CDCP1: variants seen among roughly 807,000 people sequenced by gnomAD.
The protein encoded by CDCP1 is CUB domain-containing protein 1.
CDCP1 carries 29 observed loss-of-function variants against 60.2 expected under a neutral mutation model. That is an observed-to-expected ratio of 0.48 (90% CI 0.36 to 0.66). CDCP1 has a LOEUF of 0.66. Among genes scored for constraint, CDCP1 ranks in the 30% least tolerant of loss-of-function variants. CDCP1 has a pLI of 0.00. For synonymous variants in CDCP1, 387 were observed against 431.1 expected (o/e 0.90, Z 1.27); for missense variants, 876 against 1,074.3 (o/e 0.82, Z 2.58).
Position 45,091,422 on chromosome 3 carries a change from T to C in CDCP1, c.1744A>G (p.Arg582Gly), listed in dbSNP as rs1665922036. 6.2e-7 allele frequency: 1 copy of C among 1,613,648 alleles called. No individual in the cohort carries two copies. The highest frequency in any genetic ancestry group is 8.5e-7 in the Non-Finnish European group (1 of 1,179,776). Reference sequence around the variant, plus strand: ...AAAGTCAGGCAGGCCACCTGGTCTCTGGGCACGCTGATGTTCCAGGACACA... The same window carrying C: ...AAAGTCAGGCAGGCCACCTGGTCTCCGGGCACGCTGATGTTCCAGGACACA... Reference protein sequence around the residue: ...TSVSWNISVPRDQVACLTFFK... With the variant: ...TSVSWNISVPGDQVACLTFFK... Residue 582 changes from arginine (R) to glycine (G), a missense_variant, in exon 7 of 9, where the codon AGA (arginine) becomes GGA (glycine). Arg to Gly is a moderately radical substitution (Grantham distance 125, BLOSUM62 -2). Coordinates refer to ENST00000296129, the MANE Select transcript of CDCP1 (RefSeq NM_022842.5). The surrounding 1 kb of genome is among the most constrained non-coding windows in gnomAD (Gnocchi z 4.8).
Position 45,146,199 on chromosome 3 carries a change from C to CA in CDCP1, c.82+6dup, listed in dbSNP as rs2126012593. 13 of 1,587,476 alleles carry CA rather than the reference C, an allele frequency of 8.2e-6. No individual in the cohort carries two copies. The East Asian group carries it at 3.1e-4, about 38-fold the overall frequency. On this transcript the variant is annotated splice_region_variant and intron_variant, in intron 1 of 8. Transcript: ENST00000296129. ...CACGCCATCCGCCTCCAAAGCCCGG[C>CA]ACTCACCTGCCCCGCGCGGCAGGCG... is the stretch of plus-strand genomic sequence containing the variant.
chr3:45,110,240 T>G, intron 4 of CDCP1: 1 of 1,382,404 alleles, frequency 7.2e-7, no homozygotes, highest in Non-Finnish European at 9.3e-7. Context: ...TTTAGCATCT[T>G]GAATGCAAGA....
intron 4 of CDCP1, among the ~76,000 whole-genome samples, chr3:45,100,886 T>A (rs1698475924): frequency 6.6e-6 from 1 of 152,238 alleles, no homozygotes; most frequent in Admixed American, 6.5e-5. Flanking sequence ...TTCATCCTCA[T>A]GATATCCTTG....
At chr3:45,138,774 AG>A (rs1237006895) in intron 1 of CDCP1, among the ~76,000 whole-genome samples, 2 of 152,166 alleles carry the variant, frequency 1.3e-5, no homozygotes, top group Non-Finnish European at 2.9e-5. Context: ...GCTTCCCAGG[AG>A]GTGGAGGTTG....
intron 8 of CDCP1, among the ~76,000 whole-genome samples, chr3:45,088,143 G>T (rs948458005): frequency 1.3e-5 from 2 of 152,130 alleles, no homozygotes; most frequent in African/African-American, 2.4e-5. Flanking sequence ...ACAGTTTGGC[G>T]GCAGCACGGA....
chr3:45,126,410 G>T (rs564544403), intron 1 of CDCP1, among the ~76,000 whole-genome samples: 1 of 152,104 alleles, frequency 6.6e-6, no homozygotes, highest in South Asian at 2.1e-4. Context: ...AGGGGTGGGG[G>T]TGCCAGATAG....
At position 45,082,394 on chromosome 3, in the gene CDCP1, T is replaced by A. The variant is rs931042759; in HGVS notation, c.*3244A>T. 2.0e-5 allele frequency: 3 copies of A among 152,170 alleles called. No homozygotes were observed. Among genetic ancestry groups the A allele is most frequent in the African/African-American group, 7.2e-5 (3 of 41,444 alleles). The allele number at this position is 152,170 out of a possible 1,614,324, so 9.4% of individuals were successfully genotyped here. A position where few individuals can be genotyped will look rare whatever the true frequency, so the allele number is the denominator to read the frequency against. On this transcript the variant is annotated 3_prime_UTR_variant, in exon 9 of 9. Coordinates refer to ENST00000296129, the MANE Select transcript of CDCP1 (RefSeq NM_022842.5). Reference sequence around the variant, plus strand: ...TCCCAAAGCCTGGCTTTCTGTATCATCCACAAATTAAGACAGCATCTGCTG... The same window carrying A: ...TCCCAAAGCCTGGCTTTCTGTATCAACCACAAATTAAGACAGCATCTGCTG...
At chr3:45,144,322 A>G (rs1699344698) in intron 1 of CDCP1, among the ~76,000 whole-genome samples, 1 of 152,168 alleles carries the variant, frequency 6.6e-6, no homozygotes, top group Non-Finnish European at 1.5e-5. Flanking sequence ...GTCTCCAGGA[A>G]TTTCTCAAAG....
chr3:45,089,035 A>T lies in CDCP1; in HGVS notation c.2081+19T>A. 6.3e-7 allele frequency: 1 copy of T among 1,593,222 alleles called. No homozygotes were observed. Reference sequence around the variant, plus strand: ...AGGAGGCATCAAATCAGATAAAGAGAGTAAGAGATTCCACCTACTTCTTTT... The same window carrying T: ...AGGAGGCATCAAATCAGATAAAGAGTGTAAGAGATTCCACCTACTTCTTTT... On this transcript the variant is annotated intron_variant, in intron 8 of 8. Coordinates refer to ENST00000296129, the MANE Select transcript of CDCP1 (RefSeq NM_022842.5).
At chr3:45,087,944 C>A (rs1275038790) in intron 8 of CDCP1, among the ~76,000 whole-genome samples, 13 of 151,734 alleles carry the variant, frequency 8.6e-5, no homozygotes, top group Non-Finnish European at 4.4e-5. Context: ...ATCGCTTGAA[C>A]CCGGGAGGCG....
At chr3:45,086,149 TTGGATTC>T (rs1057248410) in intron 8 of CDCP1, 82 bp from the exon 9 acceptor site, 20 of 1,258,396 alleles carry the variant, frequency 1.6e-5, no homozygotes, top group African/African-American at 4.4e-5. Flanking sequence ...CTGCTAGAGC[TTGGATTC>T]TTTAGGGTTC....
intron 1 of CDCP1, among the ~76,000 whole-genome samples, chr3:45,125,104 A>G (rs1290870738): frequency 6.6e-6 from 1 of 152,224 alleles, no homozygotes; most frequent in African/African-American, 2.4e-5. Context: ...AATGGATATG[A>G]GTGTGCCAAC....
chr3:45,143,234 A>G (rs1699325258), intron 1 of CDCP1, among the ~76,000 whole-genome samples: 1 of 152,178 alleles, frequency 6.6e-6, no homozygotes. Context: ...GTGCAGAACA[A>G]CACAGCTGAA....
At position 45,083,335 on chromosome 3, in the gene CDCP1, C is replaced by T. The variant is rs1698133942; in HGVS notation, c.*2303G>A. On this transcript the variant is annotated 3_prime_UTR_variant, in exon 9 of 9. Transcript: ENST00000296129. The stretch of plus-strand genomic sequence containing the variant: ...ACGCCAAGGGCATGACTTAAATATC[C>T]TATCCTCTGGAAAGTGTTCAAGAGG... 1 of 152,208 alleles carries T rather than the reference C, an allele frequency of 6.6e-6. No individual in the cohort carries two copies. The highest frequency in any genetic ancestry group is 6.5e-5 in the Admixed American group (1 of 15,276). 9.4% of individuals were successfully genotyped at this position (152,208 alleles called of 1,614,324 possible). A position where few individuals can be genotyped will look rare whatever the true frequency, so the allele number is the denominator to read the frequency against.
intron 4 of CDCP1, among the ~76,000 whole-genome samples, chr3:45,108,759 A>ATACATATATATGCATG (rs1698618526): frequency 5.1e-5 from 4 of 78,602 alleles, no homozygotes; most frequent in Admixed American, 2.6e-4. Flanking sequence ...ATATGCATGT[A>ATACATATATATGCATG]TATATATATA....
At chr3:45,089,205 G>A (rs1698250078) in intron 7 of CDCP1, 64 bp from the exon 8 acceptor site, 2 of 1,342,760 alleles carry the variant, frequency 1.5e-6, no homozygotes, top group African/African-American at 2.9e-5. Flanking sequence ...CAATGAACTT[G>A]AGGCATCTCC....
intron 1 of CDCP1, among the ~76,000 whole-genome samples, chr3:45,126,997 C>T (rs1699011740): frequency 6.6e-6 from 1 of 152,146 alleles, no homozygotes; most frequent in Non-Finnish European, 1.5e-5. Flanking sequence ...TCAGAGCTAG[C>T]CCCGCCCGAA....
rs919202374 is a variant in CDCP1, at chr3:45,084,011, GTCTT to G, written c.*1623_*1626del. The G allele has an allele frequency of 1.8e-4, 28 of 152,134 alleles. No individual in the cohort carries two copies. Among genetic ancestry groups the G allele is most frequent in the African/African-American group, 6.5e-4 (27 of 41,416 alleles). The allele number at this position is 152,134 out of a possible 1,614,324, so 9.4% of individuals were successfully genotyped here. On this transcript the variant is annotated 3_prime_UTR_variant, in exon 9 of 9. Transcript: ENST00000296129. ...CTCACCTGATTAGAGATTAATCCCAGTCTTTCTTTTTCATTACAATAAATGCAAC... is the reference window on the plus strand; with the variant it reads ...CTCACCTGATTAGAGATTAATCCCAGTCTTTTTCATTACAATAAATGCAAC...
intron 1 of CDCP1, among the ~76,000 whole-genome samples, chr3:45,122,538 T>A (rs1205558482): frequency 6.6e-6 from 1 of 152,060 alleles, no homozygotes; most frequent in African/African-American, 2.4e-5. Context: ...CTTGGCAACC[T>A]CTGCCTTTGG....
Sources: allele counts gnomAD v4.1 joint callset (sites outside exome capture counted in the v4.1 genomes callset), GRCh38; gene constraint gnomAD v4.1.1; non-coding constraint Gnocchi (gnomAD v3.1); transcripts MANE v1.5; gene names NCBI Gene and HGNC (gene_info 2026-07-23, HGNC 2026-07-21).